Variants in STX7 observed in about 807,000 individuals in gnomAD.
STX7 encodes the protein syntaxin 7, also known as syntaxin-7.
A neutral mutation model predicts 39.6 loss-of-function variants in STX7; 34 were observed. The ratio of observed to expected loss-of-function variants is 0.86; its 90% CI spans 0.65 to 1.14. The LOEUF is 1.14. STX7 is among the 50% of genes most tolerant of loss of function. The pLI, the probability that STX7 is intolerant of heterozygous loss-of-function variation, is 0.00. For missense variants in STX7, 284 were observed against 310.4 expected, an observed-to-expected ratio of 0.92 and a Z score of 0.64; for synonymous variants, 119 against 99.1, an observed-to-expected ratio of 1.20 and a Z score of -1.19.
At position 132,452,676 on chromosome 6, in the gene STX7, T is replaced by A. The variant is rs755439396; in HGVS notation, c.*8082A>T. On this transcript the variant is annotated 3_prime_UTR_variant, in exon 10 of 10. Transcript: ENST00000367941. ...GCTTAGGTATAAATCTAACAAAACATGTACAGACCTTGTATGCTGAAAACC... is the reference window on the plus strand; with the variant it reads ...GCTTAGGTATAAATCTAACAAAACAAGTACAGACCTTGTATGCTGAAAACC... 5 of 152,238 alleles carry A rather than the reference T, an allele frequency of 3.3e-5. No homozygotes were observed. Among genetic ancestry groups the A allele is most frequent in the African/African-American group, 4.8e-5 (2 of 41,550 alleles). 9.4% of individuals were successfully genotyped at this position (152,238 alleles called of 1,614,324 possible). A position where few individuals can be genotyped will look rare whatever the true frequency, so the allele number is the denominator to read the frequency against.
At chr6:132,509,931 T>C (rs767129784) in intron 1 of STX7, among the ~76,000 whole-genome samples, 1 of 152,204 alleles carries the variant, frequency 6.6e-6, no homozygotes, top group Non-Finnish European at 1.5e-5. Flanking sequence ...TAAAGTACTC[T>C]TGTTGAATAC....
At chr6:132,472,638 C>T (rs769414020) in intron 3 of STX7, among the ~76,000 whole-genome samples, 4 of 152,128 alleles carry the variant, frequency 2.6e-5, no homozygotes, top group Non-Finnish European at 4.4e-5. Flanking sequence ...ACACAGATGA[C>T]TTGAATCAGA....
intron 8 of STX7, among the ~76,000 whole-genome samples, 189 bp downstream of exon 8, chr6:132,468,214 C>T (rs908526098): frequency 2.0e-5 from 3 of 152,042 alleles, no homozygotes; most frequent in Admixed American, 6.5e-5. Flanking sequence ...TCAACCAGCA[C>T]GAGTTAAAAA....
chr6:132,461,785 GT>G, intron 9 of STX7: 1 of 1,486,986 alleles, frequency 6.7e-7, no homozygotes, highest in Non-Finnish European at 9.0e-7. Context: ...ATTTTGTTCC[GT>G]TCTTCATTCC....
intron 8 of STX7, among the ~76,000 whole-genome samples, chr6:132,465,282 C>T (rs1244303570): frequency 6.6e-6 from 1 of 152,172 alleles, no homozygotes; most frequent in Admixed American, 6.5e-5. Context: ...ACTCTTTGAT[C>T]ACCACCTTCT....
intron 2 of STX7, among the ~76,000 whole-genome samples, chr6:132,494,323 T>C (rs1007161820): frequency 1.3e-5 from 2 of 152,162 alleles, no homozygotes; most frequent in Admixed American, 1.3e-4. Context: ...AATACTTCTG[T>C]AGCCAAGACA....
chr6:132,497,616 C>T (rs533643880), intron 2 of STX7, among the ~76,000 whole-genome samples: 28 of 152,310 alleles, frequency 1.8e-4, no homozygotes, highest in African/African-American at 6.5e-4. Context: ...ATTGATTCTG[C>T]TGCTTTTAAA....
intron 8 of STX7, 96 bp downstream of exon 8, chr6:132,468,307 G>T: frequency 2.2e-6 from 2 of 925,646 alleles, no homozygotes; most frequent in East Asian, 2.5e-5. Context: ...AACCAAAAAA[G>T]GGACAGAAAG....
rs1774269784 is a variant in STX7, at chr6:132,457,462, A to G, written c.*3296T>C. On this transcript the variant is annotated 3_prime_UTR_variant, in exon 10 of 10. Transcript: ENST00000367941. Reference sequence around the variant, plus strand: ...ACTCAGAAAAAAATGGTTTTATCTTAATTGATTTATAAATTATGTTAGGGT... The same window carrying G: ...ACTCAGAAAAAAATGGTTTTATCTTGATTGATTTATAAATTATGTTAGGGT... 2 of 152,338 alleles carry G rather than the reference A, an allele frequency of 1.3e-5. No individual in the cohort carries two copies. Among genetic ancestry groups the G allele is most frequent in the Middle Eastern group, 6.8e-3 (2 of 294 alleles). The allele number at this position is 152,338 out of a possible 1,614,324, so 9.4% of individuals were successfully genotyped here. A position where few individuals can be genotyped will look rare whatever the true frequency, so the allele number is the denominator to read the frequency against.
intron 9 of STX7, among the ~76,000 whole-genome samples, chr6:132,461,349 C>T (rs557939073): frequency 7.9e-5 from 12 of 152,104 alleles, no homozygotes; most frequent in Non-Finnish European, 1.8e-4. Context: ...CTCTGTCACC[C>T]AGGCTGGAGT....
chr6:132,485,257 A>G (rs564711277), intron 2 of STX7, among the ~76,000 whole-genome samples: 7 of 152,286 alleles, frequency 4.6e-5, no homozygotes, highest in Non-Finnish European at 8.8e-5. Flanking sequence ...TGCATTTTCT[A>G]AAGTTTTATA....
intron 8 of STX7, among the ~76,000 whole-genome samples, chr6:132,465,883 G>T (rs1341050373): frequency 6.6e-6 from 1 of 152,164 alleles, no homozygotes; most frequent in Non-Finnish European, 1.5e-5. Context: ...CCTCAGTCCA[G>T]CAAACTTCCT....
chr6:132,487,589 C>A (rs562252523), intron 2 of STX7, among the ~76,000 whole-genome samples: 1 of 151,982 alleles, frequency 6.6e-6, no homozygotes, highest in East Asian at 1.9e-4. Flanking sequence ...CACATGTATA[C>A]CTATGTAACA....
chr6:132,452,937 G>C lies in STX7; in HGVS notation c.*7821C>G, dbSNP rs1170572280. 1 of 152,086 alleles carries C rather than the reference G, an allele frequency of 6.6e-6. No homozygotes were observed. Among genetic ancestry groups the C allele is most frequent in the Non-Finnish European group, 1.5e-5 (1 of 67,964 alleles). 9.4% of individuals were successfully genotyped at this position (152,086 alleles called of 1,614,324 possible). The stretch of plus-strand genomic sequence containing the variant: ...AAGTGGCTAAAACAATTTTGAAAAA[G>C]AAAGTGGAATAAACCAGCCTATTTG... On this transcript the variant is annotated 3_prime_UTR_variant, in exon 10 of 10. Transcript: ENST00000367941.
intron 2 of STX7, among the ~76,000 whole-genome samples, chr6:132,490,911 CCT>C (rs1303043680): frequency 6.6e-6 from 1 of 151,778 alleles, no homozygotes; most frequent in Non-Finnish European, 1.5e-5. Flanking sequence ...GGGAAGCCCT[CCT>C]ACACCAGGCT....
At chr6:132,480,714 GGCT>G (rs1774996458) in intron 2 of STX7, among the ~76,000 whole-genome samples, 1 of 152,178 alleles carries the variant, frequency 6.6e-6, no homozygotes, top group South Asian at 2.1e-4. Flanking sequence ...AAGGACCCAG[GGCT>G]GAAAATCTGG....
In STX7 at chr6:132,472,284, G is replaced by C; in HGVS notation, c.247C>G (p.Gln83Glu). 1 of 1,611,108 alleles carries C rather than the reference G, an allele frequency of 6.2e-7. No individual in the cohort carries two copies. Among genetic ancestry groups the C allele is most frequent in the Non-Finnish European group, 8.5e-7 (1 of 1,178,882 alleles). ...FGSLPTTPSE[Q>E]RQRKIQKDRL... ...CAATGTGTCTTAAAGCTTGATACCT[G>C]TTCACTGGGGGTGGTGGGCAGAGAT... The change falls in exon 4 of 10, where the codon CAG (glutamine) becomes GAG (glutamate). Residue 83 changes from glutamine to glutamate, a missense_variant and splice_region_variant. Transcript: ENST00000367941.
intron 2 of STX7, 122 bp from the exon 3 acceptor site, chr6:132,475,784 T>C (rs868302767): frequency 5.8e-6 from 3 of 514,724 alleles, no homozygotes; most frequent in Non-Finnish European, 9.8e-6. Flanking sequence ...AAGATGAAAA[T>C]AGAAAATATT....
At chr6:132,496,935 G>C (rs1775433285) in intron 2 of STX7, among the ~76,000 whole-genome samples, 1 of 152,104 alleles carries the variant, frequency 6.6e-6, no homozygotes, top group Non-Finnish European at 1.5e-5. Flanking sequence ...TGAATAAAAA[G>C]CTGTAAACAT....
Sources: allele counts gnomAD v4.1 joint callset (sites outside exome capture counted in the v4.1 genomes callset), GRCh38; gene constraint gnomAD v4.1.1; transcripts MANE v1.5; gene names NCBI Gene and HGNC (gene_info 2026-07-23, HGNC 2026-07-21).